Variants in CA10 observed in about 807,000 individuals in gnomAD.
CA10 encodes carbonic anhydrase-related protein 10.
CA10 carries 14 observed loss-of-function variants against 44.2 expected under a neutral mutation model. The observed-to-expected ratio is 0.32, with a 90% CI of 0.21 to 0.50. CA10 has a LOEUF of 0.50. CA10 is among the 20% of genes least tolerant of loss of function. The pLI is 0.99. For synonymous variants in CA10, 159 were observed against 141.6 expected, an observed-to-expected ratio of 1.12 and a Z score of -0.87; for missense variants, 350 against 409.7, an observed-to-expected ratio of 0.85 and a Z score of 1.26.
At chr17:52,132,714 A>C (rs1035580416) in intron 1 of CA10, among the ~76,000 whole-genome samples, 1 of 152,274 alleles carries the variant, frequency 6.6e-6, no homozygotes, top group East Asian at 1.9e-4. Context: ...AAACAAATTT[A>C]GGGAGGATTT....
chr17:51,642,522 T>G (rs1181707127), intron 6 of CA10, among the ~76,000 whole-genome samples: 1 of 152,290 alleles, frequency 6.6e-6, no homozygotes, highest in East Asian at 1.9e-4. Context: ...AAAAAGATGC[T>G]TTAAAGGGCT....
intron 6 of CA10, among the ~76,000 whole-genome samples, chr17:51,646,242 A>G (rs1056427018): frequency 6.6e-6 from 1 of 152,140 alleles, no homozygotes; most frequent in Non-Finnish European, 1.5e-5. Context: ...GGGGATGGCA[A>G]TCATACCGCT....
chr17:52,088,723 C>T (rs1207271076), intron 1 of CA10, among the ~76,000 whole-genome samples: 1 of 152,128 alleles, frequency 6.6e-6, no homozygotes, highest in East Asian at 1.9e-4. Flanking sequence ...TCTCAAATTT[C>T]TGAGAATGCC....
chr17:51,834,408 T>A (rs1212668898), intron 3 of CA10, among the ~76,000 whole-genome samples: 1 of 152,232 alleles, frequency 6.6e-6, no homozygotes, highest in Non-Finnish European at 1.5e-5. Flanking sequence ...CTTCCTCAGA[T>A]TCTCTGTTCA....
intron 2 of CA10, among the ~76,000 whole-genome samples, chr17:51,957,449 AAG>A (rs1983709528): frequency 6.6e-6 from 1 of 151,390 alleles, no homozygotes; most frequent in South Asian, 2.1e-4. Flanking sequence ...TTTTTTTGTA[AAG>A]AGAGAGTGAT....
chr17:51,818,624 C>T (rs917028137), intron 3 of CA10, among the ~76,000 whole-genome samples: 5 of 152,058 alleles, frequency 3.3e-5, no homozygotes, highest in Non-Finnish European at 5.9e-5. Context: ...GGATCGCTTT[C>T]GTGATGATGG....
chr17:52,108,723 AAAAAAGAATG>A (rs1988725811), intron 1 of CA10, among the ~76,000 whole-genome samples: 2 of 123,940 alleles, frequency 1.6e-5, no homozygotes, highest in Non-Finnish European at 3.3e-5. Context: ...AAAAAAAAAA[AAAAAAGAATG>A]ATGCAATGAG....
At chr17:52,052,755 C>A (rs930370707) in intron 2 of CA10, among the ~76,000 whole-genome samples, 1 of 152,084 alleles carries the variant, frequency 6.6e-6, no homozygotes, top group Non-Finnish European at 1.5e-5. Flanking sequence ...GTACTCGGAG[C>A]AGAAGCAGCT....
intron 3 of CA10, among the ~76,000 whole-genome samples, chr17:51,825,974 A>G (rs1432801312): frequency 6.6e-6 from 1 of 152,166 alleles, no homozygotes; most frequent in Non-Finnish European, 1.5e-5. Context: ...CTTTCACTCT[A>G]CGCACTTATA....
intron 4 of CA10, among the ~76,000 whole-genome samples, chr17:51,711,783 C>A (rs1373712879): frequency 6.6e-6 from 1 of 152,218 alleles, no homozygotes; most frequent in Non-Finnish European, 1.5e-5. Flanking sequence ...AGAAGATCAG[C>A]CTCTGATGCC....
intron 4 of CA10, among the ~76,000 whole-genome samples, chr17:51,717,705 A>ATATG (rs1381648298): frequency 1.6e-5 from 1 of 64,270 alleles, no homozygotes; most frequent in African/African-American, 4.9e-5. Context: ...ATGCATGTAT[A>ATATG]TATACATATA....
intron 4 of CA10, among the ~76,000 whole-genome samples, chr17:51,672,406 T>C (rs544209550): frequency 5.9e-5 from 9 of 152,292 alleles, no homozygotes; most frequent in Non-Finnish European, 1.2e-4. Flanking sequence ...GCAGCTAACA[T>C]TTACTGGGTA....
intron 5 of CA10, 105 bp from the exon 6 acceptor site, chr17:51,649,359 G>A: frequency 2.4e-6 from 2 of 849,636 alleles, no homozygotes; most frequent in Non-Finnish European, 3.9e-6. Context: ...TATCTACCAT[G>A]AGCCAAACAC....
chr17:51,987,934 G>A (rs1233402910), intron 2 of CA10, among the ~76,000 whole-genome samples: 1 of 151,982 alleles, frequency 6.6e-6, no homozygotes, highest in East Asian at 1.9e-4. Context: ...AAGGAAGAAT[G>A]TTATAGAAAG....
chr17:51,662,876 C>A (rs9901630), intron 4 of CA10, among the ~76,000 whole-genome samples: 29,562 of 152,132 alleles, frequency 0.19, 3,367 homozygotes, highest in African/African-American at 0.31. Flanking sequence ...AAAGATAACA[C>A]AACTTGGATT....
At chr17:51,832,867 T>A (rs1237271315) in intron 3 of CA10, among the ~76,000 whole-genome samples, 2 of 152,054 alleles carry the variant, frequency 1.3e-5, no homozygotes, top group Non-Finnish European at 2.9e-5. Context: ...TGGGGAGAAG[T>A]GAGTTTCCTA....
intron 4 of CA10, among the ~76,000 whole-genome samples, chr17:51,716,670 T>C (rs1278954198): frequency 1.3e-5 from 2 of 151,980 alleles, no homozygotes; most frequent in African/African-American, 2.4e-5. Flanking sequence ...TAAGCTGCAG[T>C]TCCCTCCATA....
At chr17:52,025,634 A>G (rs1285874222) in intron 2 of CA10, among the ~76,000 whole-genome samples, 2 of 152,166 alleles carry the variant, frequency 1.3e-5, no homozygotes, top group African/African-American at 4.8e-5. Context: ...TGGGTAAAGC[A>G]CCTAGATAGA....
intron 4 of CA10, among the ~76,000 whole-genome samples, chr17:51,732,988 C>T (rs907408083): frequency 1.3e-5 from 2 of 152,150 alleles, no homozygotes; most frequent in Admixed American, 6.5e-5. Context: ...TGTCCAGTTA[C>T]CCTTGAGTTC....
Sources: allele counts gnomAD v4.1 joint callset (sites outside exome capture counted in the v4.1 genomes callset), GRCh38; gene constraint gnomAD v4.1.1; transcripts MANE v1.5; gene names NCBI Gene and HGNC (gene_info 2026-07-23, HGNC 2026-07-21).